The following DACH2 variants were observed in gnomAD, a reference collection of about 807,000 sequenced individuals.
DACH2 encodes dachshund family transcription factor 2, also known as dachshund homolog 2.
In DACH2, 17 loss-of-function variants were observed where a neutral mutation model predicts 35.8. The ratio of observed to expected loss-of-function variants is 0.48; its 90% CI spans 0.33 to 0.71. The LOEUF (loss-of-function observed/expected upper bound fraction) is 0.71. DACH2 is among the 30% of genes least tolerant of loss of function. The pLI is 0.02. For synonymous variants in DACH2, 195 were observed against 177.3 expected (o/e 1.10, Z -0.79); for missense variants, 469 against 472.7 (o/e 0.99, Z 0.07).
intron 3 of DACH2, among the ~76,000 whole-genome samples, chrX:86,619,727 G>A (rs1416084446): frequency 8.9e-6 from 1 of 111,756 alleles, no homozygotes; most frequent in African/African-American, 3.3e-5. Flanking sequence ...AACAGGAAGG[G>A]GCACTATCAG....
chrX:86,608,312 G>T (rs1265822644), intron 3 of DACH2, among the ~76,000 whole-genome samples: 1 of 111,761 alleles, frequency 8.9e-6, no homozygotes, highest in Non-Finnish European at 1.9e-5. Flanking sequence ...CTTTTACACT[G>T]TTGGTGGGAC....
At chrX:86,702,442 T>A (rs938985804) in intron 5 of DACH2, among the ~76,000 whole-genome samples, 6 of 110,636 alleles carry the variant, frequency 5.4e-5, no homozygotes, top group African/African-American at 2.0e-4. Context: ...CAGAACTAAA[T>A]AAAATTGAAA....
chrX:86,422,129 C>T (rs1045997275), intron 2 of DACH2, among the ~76,000 whole-genome samples: 1 of 111,037 alleles, frequency 9.0e-6, no homozygotes, highest in African/African-American at 3.3e-5. Flanking sequence ...GATGTGACAT[C>T]CTTACAACTA....
intron 6 of DACH2, among the ~76,000 whole-genome samples, chrX:86,737,669 T>C (rs1377513106): frequency 8.9e-6 from 1 of 111,970 alleles, no homozygotes; most frequent in African/African-American, 3.2e-5. Flanking sequence ...TTCACTAGGC[T>C]AAAAGCAAGG....
At chrX:86,565,812 A>T (rs1333617068) in intron 3 of DACH2, among the ~76,000 whole-genome samples, 1 of 111,437 alleles carries the variant, frequency 9.0e-6, no homozygotes, top group East Asian at 2.8e-4. Flanking sequence ...AATCTAAATT[A>T]TTATCAATAT....
chrX:86,184,266 G>T (rs2031609040), intron 1 of DACH2: 2 of 158,089 alleles, frequency 1.3e-5, no homozygotes, highest in Non-Finnish European at 2.4e-5. Context: ...GCAGTGCAGT[G>T]GTGTGATCTT....
At chrX:86,206,604 C>T (rs2032318725) in intron 1 of DACH2, among the ~76,000 whole-genome samples, 1 of 112,372 alleles carries the variant, frequency 8.9e-6, no homozygotes, top group South Asian at 3.7e-4. Flanking sequence ...AGTCAGAAGA[C>T]AGTAGTTCAA....
At chrX:86,331,127 T>C (rs1162315613) in intron 1 of DACH2, among the ~76,000 whole-genome samples, 1 of 111,707 alleles carries the variant, frequency 9.0e-6, no homozygotes, top group African/African-American at 3.2e-5. Flanking sequence ...AAAGTTACTT[T>C]CAAAGCCTAC....
intron 7 of DACH2, among the ~76,000 whole-genome samples, chrX:86,763,396 A>T (rs1453639454): frequency 8.9e-6 from 1 of 112,765 alleles, no homozygotes. Context: ...TCAATTATAT[A>T]GAGTTCAAAA....
intron 11 of DACH2, among the ~76,000 whole-genome samples, chrX:86,816,304 A>G (rs754881728): frequency 8.9e-6 from 1 of 111,818 alleles, no homozygotes; most frequent in East Asian, 2.8e-4. Flanking sequence ...TGAAAACCCA[A>G]TAACTCTGGT....
At chrX:86,329,645 G>A (rs1280205966) in intron 1 of DACH2, among the ~76,000 whole-genome samples, 1 of 111,198 alleles carries the variant, frequency 9.0e-6, no homozygotes, top group African/African-American at 3.3e-5. Context: ...GTTCAGTAGG[G>A]GTTGTGTAAG....
intron 2 of DACH2, among the ~76,000 whole-genome samples, chrX:86,435,555 G>T (rs2037054263): frequency 9.0e-6 from 1 of 111,667 alleles, no homozygotes; most frequent in Non-Finnish European, 1.9e-5. Flanking sequence ...ATCATACAAA[G>T]TTTGATTTCA....
At chrX:86,789,027 T>A (rs2042163647) in intron 7 of DACH2, among the ~76,000 whole-genome samples, 1 of 112,023 alleles carries the variant, frequency 8.9e-6, no homozygotes, top group Admixed American at 9.5e-5. Flanking sequence ...TATGTCTACA[T>A]CTTAAGAGGT....
chrX:86,712,939 T>C (rs905214964), intron 5 of DACH2, among the ~76,000 whole-genome samples: 19 of 111,675 alleles, frequency 1.7e-4, no homozygotes, highest in Non-Finnish European at 1.9e-5. Flanking sequence ...GTTTTATCCT[T>C]ATGTAATTCT....
intron 4 of DACH2, among the ~76,000 whole-genome samples, chrX:86,688,154 T>C (rs1056610936): frequency 1.6e-4 from 18 of 112,400 alleles, no homozygotes; most frequent in Non-Finnish European, 3.0e-4. Context: ...TAGAACCCTT[T>C]GAAGGTTTGT....
chrX:86,595,089 C>G (rs949238483), intron 3 of DACH2, among the ~76,000 whole-genome samples: 3 of 110,715 alleles, frequency 2.7e-5, no homozygotes, highest in African/African-American at 9.9e-5. Context: ...ATTGATATAG[C>G]TACTCCAGCT....
chrX:86,713,093 T>A (rs2041297179), intron 5 of DACH2, among the ~76,000 whole-genome samples: 1 of 111,800 alleles, frequency 8.9e-6, no homozygotes, highest in South Asian at 3.7e-4. Context: ...TTGATTGTGC[T>A]GCCTTTGTAC....
intron 1 of DACH2, among the ~76,000 whole-genome samples, chrX:86,233,784 T>C (rs1353668941): frequency 9.0e-6 from 1 of 111,236 alleles, no homozygotes; most frequent in Admixed American, 9.5e-5. Flanking sequence ...TCTTACATGG[T>C]GGCAACAAGA....
chrX:86,750,263 T>C (rs1346938716), intron 7 of DACH2, among the ~76,000 whole-genome samples: 1 of 111,597 alleles, frequency 9.0e-6, no homozygotes, highest in African/African-American at 3.2e-5. Flanking sequence ...TGATGAAGTT[T>C]TCATCTATGC....
Sources: gnomAD v4.1 joint callset for allele counts (sites outside exome capture counted in the v4.1 genomes callset) on GRCh38, gnomAD v4.1.1 for gene constraint, MANE v1.5 for transcripts, NCBI Gene and HGNC (gene_info 2026-07-23, HGNC 2026-07-21) for gene names.